The following GGT6 variants were observed in gnomAD, a reference collection of about 807,000 sequenced individuals.
The protein encoded by GGT6 is gamma-glutamyltransferase 6, also known as glutathione hydrolase 6.
In GGT6, 13 loss-of-function variants were observed where a neutral mutation model predicts 17.0. The ratio of observed to expected loss-of-function variants is 0.77; its 90% CI spans 0.50 to 1.22. GGT6 has a LOEUF of 1.22. GGT6 is among the 50% of genes most tolerant of loss of function. The pLI, the probability that GGT6 is intolerant of heterozygous loss-of-function variation, is 0.00. For synonymous variants in GGT6, 305 were observed against 297.9 expected, an observed-to-expected ratio of 1.02 and a Z score of -0.25; for missense variants, 628 against 643.7, an observed-to-expected ratio of 0.98 and a Z score of 0.26.
Position 4,558,961 on chromosome 17 carries a change from A to G in GGT6, c.554T>C (p.Leu185Pro). 1 of 1,542,696 alleles carries G rather than the reference A, an allele frequency of 6.5e-7. No individual in the cohort carries two copies. Residue 185 changes from leucine to proline, a missense_variant, in exon 4 of 4, where the codon CTG (leucine) becomes CCG (proline). Physicochemically the swap from Leu to Pro is moderately conservative, Grantham distance 98 (BLOSUM62 -3). Transcript: ENST00000381550. Reference sequence around the variant, plus strand: ...GTGCAGGGTGGGCAGAGCCGCGGGCAGCCCCAGGCCGGGGGCCAGGGTCTG... The same window carrying G: ...GTGCAGGGTGGGCAGAGCCGCGGGCGGCCCCAGGCCGGGGGCCAGGGTCTG... ...PAQTLAPGLGLPAALPTLHLL... is the reference protein window; with the variant it reads ...PAQTLAPGLGPPAALPTLHLL...
chr17:4,560,234 C>T, intron 1 of GGT6, 148 bp downstream of exon 1: 2 of 852,516 alleles, frequency 2.3e-6, no homozygotes, highest in Admixed American at 2.4e-5. Flanking sequence ...TCTCGGGCTA[C>T]AGCCTGGGTT....
rs1389165245 is a variant in GGT6, at chr17:4,558,483, G to T, written c.1032C>A (p.Cys344Ter). The T allele has an allele frequency of 6.2e-7, 1 of 1,608,044 alleles. No homozygotes were observed. The highest frequency in any genetic ancestry group is 8.5e-7 in the Non-Finnish European group (1 of 1,178,906). ...LRSGAPIPDP[C>*]PPFLQTAVSP... ...TCACAGCAGTCTGCAGGAACGGTGG[G>T]CAGGGGTCAGGGATGGGCGCCCCGG... The change falls in exon 4 of 4, where the codon TGC (cysteine) becomes TGA (stop). Residue 344 changes from cysteine (C) to a stop codon, truncating the protein, a stop_gained. Transcript: ENST00000381550. LOFTEE classifies it low-confidence loss of function (END_TRUNC).
chr17:4,559,081 CA>C, intron 3 of GGT6, 24 bp from the exon 4 acceptor site: 1 of 1,539,242 alleles, frequency 6.5e-7, no homozygotes, highest in Non-Finnish European at 8.7e-7. Context: ...AGGGGTCCCT[CA>C]GCAGCCGCAG....
rs1177838627 is a variant in GGT6 at position 4,557,378 on chromosome 17, A to T, written c.*637T>A. 7.0e-6 allele frequency: 1 copy of T among 142,608 alleles called. No homozygotes were observed. Among genetic ancestry groups the T allele is most frequent in the African/African-American group, 2.7e-5 (1 of 37,608 alleles). The allele number at this position is 142,608 out of a possible 1,614,324, so 8.8% of individuals were successfully genotyped here. Reference sequence around the variant, plus strand: ...GCCCAGGTGGGGTTGCAATGGTGCGATCTTGGTTCACTGCAACCTCCACCT... The same window carrying T: ...GCCCAGGTGGGGTTGCAATGGTGCGTTCTTGGTTCACTGCAACCTCCACCT... On this transcript the variant is annotated 3_prime_UTR_variant, in exon 4 of 4. Transcript: ENST00000381550.
Position 4,558,732 on chromosome 17 carries a change from T to G in GGT6, c.783A>C (p.Ala261=). Residue 261 remains alanine, a synonymous_variant, in exon 4 of 4, where the codon GCA becomes GCC. Transcript: ENST00000381550. Reference sequence around the variant, plus strand: ...CGAGGGCTGCGCTGCGAAGCACAGCTGCCAGTTGTGGGTTGGTGGCTCGGG... The same window carrying G: ...CGAGGGCTGCGCTGCGAAGCACAGCGGCCAGTTGTGGGTTGGTGGCTCGGG... ...AGARATNPQL[A]AVLRSAALAP... 1 of 1,599,834 alleles carries G rather than the reference T, an allele frequency of 6.3e-7. No homozygotes were observed. Among genetic ancestry groups the G allele is most frequent in the Non-Finnish European group, 8.5e-7 (1 of 1,174,344 alleles).
intron 1 of GGT6, chr17:4,560,077 G>A (rs1368628790): frequency 2.4e-5 from 14 of 572,258 alleles, no homozygotes; most frequent in South Asian, 1.5e-4. Flanking sequence ...CCAGCCAGGC[G>A]TAGTCAGGCC....
Position 4,558,088 on chromosome 17 carries a change from T to C in GGT6, c.1427A>G (p.Gln476Arg). ...PSTCGQGTLL[Q>R]VAAHTEHAHV... The stretch of plus-strand genomic sequence containing the variant: ...GGCGTGCTCTGTGTGGGCTGCCACC[T>C]GGAGCAGGGTCCCTTGGCCACAAGT... Residue 476 changes from glutamine to arginine, a missense_variant, in exon 4 of 4, where the codon CAG becomes CGG. Gln to Arg is a conservative substitution (Grantham distance 43). Coordinates refer to ENST00000381550, the MANE Select transcript of GGT6 (RefSeq NM_001288702.2). The C allele has an allele frequency of 1.2e-6, 2 of 1,605,438 alleles. No individual in the cohort carries two copies. Among genetic ancestry groups the C allele is most frequent in the Non-Finnish European group, 1.7e-6 (2 of 1,175,150 alleles).
rs778984074 is a variant in GGT6 at position 4,558,707 on chromosome 17, C to T, written c.808G>A (p.Ala270Thr). The change falls in exon 4 of 4, where the codon GCT becomes ACT. Residue 270 changes from alanine (A) to threonine (T), a missense_variant. By Grantham distance (58) the Ala-to-Thr change is moderately conservative. Coordinates refer to ENST00000381550, the MANE Select transcript of GGT6 (RefSeq NM_001288702.2). The part of the protein sequence containing the change: ...LAAVLRSAAL[A>T]PTSDLAGDAL... ...TCCCCAGCAAGGTCTGAGGTGGGAG[C>T]GAGGGCTGCGCTGCGAAGCACAGCT... 22 of 1,606,250 alleles carry T rather than the reference C, an allele frequency of 1.4e-5. No homozygotes were observed. The highest frequency in any genetic ancestry group is 9.3e-5 in the African/African-American group (7 of 74,876).
rs562735844 is a variant in GGT6 at position 4,558,090 on chromosome 17, G to C, written c.1425C>G (p.Leu475=). 843 of 1,606,682 alleles carry C rather than the reference G, an allele frequency of 5.2e-4. 12 individuals carry two copies. In the South Asian group the frequency reaches 9.0e-3, roughly 17 times the overall value. ...HPSTCGQGTL[L]QVAAHTEHAH... is the part of the protein sequence containing the mutation. ...CGTGCTCTGTGTGGGCTGCCACCTG[G>C]AGCAGGGTCCCTTGGCCACAAGTGC... The change falls in exon 4 of 4, where the codon CTC becomes CTG. Residue 475 remains leucine, a synonymous_variant. Transcript: ENST00000381550.
rs767797275 is a variant in GGT6 at position 4,557,967 on chromosome 17, C to CCCATG, written c.*43_*47dup. The CCCATG allele has an allele frequency of 7.9e-7, 1 of 1,266,012 alleles. No individual in the cohort carries two copies. The highest frequency in any genetic ancestry group is 2.4e-5 in the East Asian group (1 of 41,752). 78.4% of individuals were successfully genotyped at this position (1,266,012 alleles called of 1,614,324 possible). A position where few individuals can be genotyped will look rare whatever the true frequency, so the allele number is the denominator to read the frequency against. On this transcript the variant is annotated 3_prime_UTR_variant, in exon 4 of 4. Transcript: ENST00000381550. ...CTGCTGTGTCTGCTCTGCTCCTGCC[C>CCCATG]CCATGCTTCAGATAACTCTGCCTTC...
chr17:4,560,158 G>C (rs556861080), intron 1 of GGT6, among the ~76,000 whole-genome samples: 1 of 152,358 alleles, frequency 6.6e-6, no homozygotes, highest in African/African-American at 2.4e-5. Flanking sequence ...GCAGCAGATG[G>C]GACAGAGGCT....
At position 4,558,912 on chromosome 17, in the gene GGT6, G is replaced by A. The variant is rs761009269; in HGVS notation, c.603C>T (p.Arg201=). The change falls in exon 4 of 4, where the codon CGC becomes CGT. Residue 201 remains arginine, a synonymous_variant. Coordinates refer to ENST00000381550, the MANE Select transcript of GGT6 (RefSeq NM_001288702.2). Reference sequence around the variant, plus strand: ...CCACTAGCAGGCGTGGCCAGGGCAGGCGGCCGAAGCGTGCATGCAGCAGGT... The same window carrying A: ...CCACTAGCAGGCGTGGCCAGGGCAGACGGCCGAAGCGTGCATGCAGCAGGT... The part of the protein sequence containing the change: ...TLHLLHARFG[R]LPWPRLLVGP... 5 of 1,548,650 alleles carry A rather than the reference G, an allele frequency of 3.2e-6. No homozygotes were observed. The highest frequency in any genetic ancestry group is 2.4e-5 in the East Asian group (1 of 40,904).
At chr17:4,559,316 T>G (rs898574928) in intron 3 of GGT6, 27 bp downstream of exon 3, 5 of 1,511,270 alleles carry the variant, frequency 3.3e-6, no homozygotes, top group Non-Finnish European at 4.5e-6. Flanking sequence ...GGGTTGGGGT[T>G]GCAGTCTGGG....
Position 4,558,561 on chromosome 17 carries a change from G to C in GGT6, c.954C>G (p.Pro318=), listed in dbSNP as rs758843259. 3.2e-6 allele frequency: 5 copies of C among 1,569,714 alleles called. No individual in the cohort carries two copies. The East Asian group carries it at 9.1e-5, about 29-fold the overall frequency. The change falls in exon 4 of 4, where the codon CCC becomes CCG. Residue 318 remains proline, a synonymous_variant. Transcript: ENST00000381550. ...GCAGTTCTGGGCCAGCTGAGGGACT[G>C]GGGGTGGTGAACAGGATGCCCTGGG... is the stretch of plus-strand genomic sequence containing the variant. ...PVPQGILFTT[P]SPSAGPELLA... is the part of the protein sequence containing the mutation.
rs777959063 is a variant in GGT6 at position 4,560,416 on chromosome 17, C to A, written c.106G>T (p.Val36Phe). Residue 36 changes from valine to phenylalanine, a missense_variant, in exon 1 of 4, where the codon GTT (valine) becomes TTT (phenylalanine). Coordinates refer to ENST00000381550, the MANE Select transcript of GGT6 (RefSeq NM_001288702.2). ...TCCTGGTGCCTCCGGGGGTTTAGAA[C>A]CAGCGCCTCTGATGTCTCCTCCTCC... The part of the protein sequence containing the change: ...VEEEETSEAL[V>F]LNPRRHQDSS... 3.1e-6 allele frequency: 5 copies of A among 1,614,022 alleles called. No homozygotes were observed. In the South Asian group the frequency reaches 4.4e-5, roughly 14 times the overall value.
rs1465281333 is a variant in GGT6 at position 4,558,037 on chromosome 17, C to T, written c.1478G>A (p.Cys493Tyr). The T allele has an allele frequency of 1.2e-5, 19 of 1,548,998 alleles. No individual in the cohort carries two copies. Among genetic ancestry groups the T allele is most frequent in the Non-Finnish European group, 1.6e-5 (18 of 1,147,538 alleles). The change falls in exon 4 of 4, where the codon TGC becomes TAC. Residue 493 changes from cysteine to tyrosine, a missense_variant. By Grantham distance (194) the Cys-to-Tyr change is radical. Transcript: ENST00000381550. Reference sequence around the variant, plus strand: ...CTGTTAGAACCCCTGGAAGGGGCAGCAGGCATGGGGGACACTGGAGACATG... The same window carrying T: ...CTGTTAGAACCCCTGGAAGGGGCAGTAGGCATGGGGGACACTGGAGACATG... ...HAHVSSVPHACCPFQGF is the reference protein window; with the variant it reads ...HAHVSSVPHAYCPFQGF
rs374352398 is a variant in GGT6 at position 4,559,613 on chromosome 17, G to A, written c.288C>T (p.Gly96=). 1.2e-5 allele frequency: 19 copies of A among 1,613,648 alleles called. No individual in the cohort carries two copies. Among genetic ancestry groups the A allele is most frequent in the Admixed American group, 3.3e-5 (2 of 60,008 alleles). Residue 96 remains glycine, a synonymous_variant, in exon 2 of 4, where the codon GGC becomes GGT. Coordinates refer to ENST00000381550, the MANE Select transcript of GGT6 (RefSeq NM_001288702.2). ...ATACGCCAGGGCCGTGGGAGTGTCC[G>A]CCGGGTGGAGGGGCCACAGAGCCCA... ...GSLGSVAPPP[G]GHSHGPGVYH... is the part of the protein sequence containing the mutation.
At position 4,557,999 on chromosome 17, in the gene GGT6, A is replaced by G. The variant is rs755948039; in HGVS notation, c.*16T>C. ...TTCAGATAACTCTGCCTTCTGCCAG[A>G]CCCACCCCCATCCTGTTAGAACCCC... On this transcript the variant is annotated 3_prime_UTR_variant, in exon 4 of 4. Coordinates refer to ENST00000381550, the MANE Select transcript of GGT6 (RefSeq NM_001288702.2). The G allele has an allele frequency of 3.2e-5, 48 of 1,487,892 alleles. No homozygotes were observed. Among genetic ancestry groups the G allele is most frequent in the Non-Finnish European group, 4.3e-5 (48 of 1,112,442 alleles). 92.2% of individuals were successfully genotyped at this position (1,487,892 alleles called of 1,614,324 possible). A position where few individuals can be genotyped will look rare whatever the true frequency, so the allele number is the denominator to read the frequency against.
In GGT6 at chr17:4,560,379, T is replaced by C; in HGVS notation, c.140+3A>G. 6.8e-6 allele frequency: 11 copies of C among 1,614,058 alleles called. No homozygotes were observed. The highest frequency in any genetic ancestry group is 9.3e-6 in the Non-Finnish European group (11 of 1,179,980). On this transcript the variant is annotated splice_donor_region_variant and intron_variant, in intron 1 of 3. Coordinates refer to ENST00000381550, the MANE Select transcript of GGT6 (RefSeq NM_001288702.2). Reference sequence around the variant, plus strand: ...CTGGTGCCCAGACCCCTCCCTTACTTACCTGGAAGAGTCCTGGTGCCTCCG... The same window carrying C: ...CTGGTGCCCAGACCCCTCCCTTACTCACCTGGAAGAGTCCTGGTGCCTCCG...
Sources: gnomAD v4.1 joint callset for allele counts (sites outside exome capture counted in the v4.1 genomes callset) on GRCh38, gnomAD v4.1.1 for gene constraint, MANE v1.5 for transcripts, NCBI Gene and HGNC (gene_info 2026-07-23, HGNC 2026-07-21) for gene names.